VAT1L: variants seen among roughly 807,000 people sequenced by gnomAD.
The protein encoded by VAT1L is putative NADPH-dependent quinone oxidoreductase VAT1L.
In VAT1L, 34 loss-of-function variants were observed where a neutral mutation model predicts 44.1. That is an observed-to-expected ratio of 0.77 (90% CI 0.59 to 1.03). The LOEUF is 1.03. VAT1L is among the 50% of genes least tolerant of loss of function. The pLI, the probability that VAT1L is intolerant of heterozygous loss-of-function variation, is 0.00. For synonymous variants in VAT1L, 253 were observed against 202.2 expected, an observed-to-expected ratio of 1.25 and a Z score of -2.13; for missense variants, 615 against 538.8, an observed-to-expected ratio of 1.14 and a Z score of -1.40.
intron 8 of VAT1L, among the ~76,000 whole-genome samples, chr16:77,975,081 G>A (rs1238944642): frequency 6.6e-6 from 1 of 151,596 alleles, no homozygotes; most frequent in Non-Finnish European, 1.5e-5. Context: ...CCTGACAGAA[G>A]AGGAAACAAC....
chr16:77,958,480 C>A (rs1353693933), intron 7 of VAT1L, among the ~76,000 whole-genome samples: 5 of 152,180 alleles, frequency 3.3e-5, no homozygotes, highest in Non-Finnish European at 5.9e-5. Context: ...ATGTAGGAAT[C>A]AGCATCCCCT....
intron 1 of VAT1L, among the ~76,000 whole-genome samples, chr16:77,798,451 T>A (rs537174156): frequency 1.3e-5 from 2 of 152,344 alleles, no homozygotes; most frequent in South Asian, 4.1e-4. Context: ...TAAAAGTTTT[T>A]GTGTGGGGAA....
chr16:77,975,586 G>A (rs922410565), intron 8 of VAT1L, among the ~76,000 whole-genome samples: 2 of 152,172 alleles, frequency 1.3e-5, no homozygotes, highest in Non-Finnish European at 2.9e-5. Flanking sequence ...TGCTCCTCTA[G>A]AATAGTCTGG....
intron 3 of VAT1L, among the ~76,000 whole-genome samples, chr16:77,847,918 G>C (rs2016773093): frequency 6.6e-6 from 1 of 152,212 alleles, no homozygotes; most frequent in Admixed American, 6.5e-5. Flanking sequence ...TGATGTTCAA[G>C]TGGAAGGAGA....
intron 1 of VAT1L, among the ~76,000 whole-genome samples, chr16:77,813,401 C>T (rs1009454932): frequency 6.6e-6 from 1 of 152,190 alleles, no homozygotes; most frequent in African/African-American, 2.4e-5. Flanking sequence ...AGGGACCACA[C>T]AGGTAGTCCA....
intron 7 of VAT1L, among the ~76,000 whole-genome samples, chr16:77,970,147 C>G (rs2018264062): frequency 6.6e-6 from 1 of 150,790 alleles, no homozygotes. Context: ...GACGTGGGAG[C>G]ATTGCTTGAG....
intron 1 of VAT1L, among the ~76,000 whole-genome samples, chr16:77,792,971 C>T (rs562647074): frequency 1.2e-4 from 18 of 151,944 alleles, no homozygotes; most frequent in Non-Finnish European, 2.1e-4. Flanking sequence ...TTTTGGTTGC[C>T]GTATAAACTT....
intron 7 of VAT1L, among the ~76,000 whole-genome samples, chr16:77,915,738 T>G (rs1315887043): frequency 6.6e-6 from 1 of 152,090 alleles, no homozygotes; most frequent in Non-Finnish European, 1.5e-5. Flanking sequence ...GCAAGTGAGG[T>G]TGGCTAGAAG....
chr16:77,932,578 A>T (rs1016071526), intron 7 of VAT1L, among the ~76,000 whole-genome samples: 1 of 152,194 alleles, frequency 6.6e-6, no homozygotes, highest in Non-Finnish European at 1.5e-5. Flanking sequence ...CCCATCCTAT[A>T]TCCCATCAGA....
intron 7 of VAT1L, among the ~76,000 whole-genome samples, chr16:77,963,879 T>G (rs376157855): frequency 6.6e-6 from 1 of 152,186 alleles, no homozygotes; most frequent in African/African-American, 2.4e-5. Context: ...GCTGTCTCAC[T>G]AGCAAAGAGG....
intron 4 of VAT1L, among the ~76,000 whole-genome samples, chr16:77,872,084 TC>T (rs2017038947): frequency 6.6e-6 from 1 of 152,046 alleles, no homozygotes. Context: ...ATCACCATCA[TC>T]CCCTTCCACA....
intron 7 of VAT1L, chr16:77,892,856 G>T (rs1489773483): frequency 3.0e-6 from 3 of 1,007,530 alleles, no homozygotes; most frequent in Non-Finnish European, 4.7e-6. Context: ...GGAGTGCTTT[G>T]GGTCCAGGAA....
chr16:77,887,405 C>G (rs1306336066), intron 7 of VAT1L, among the ~76,000 whole-genome samples: 4 of 152,158 alleles, frequency 2.6e-5, no homozygotes, highest in Admixed American at 6.5e-5. Flanking sequence ...AACTAGGCAA[C>G]TACAGAAGTC....
intron 3 of VAT1L, among the ~76,000 whole-genome samples, chr16:77,858,348 T>A (rs1258875374): frequency 1.3e-5 from 2 of 152,164 alleles, no homozygotes; most frequent in African/African-American, 4.8e-5. Flanking sequence ...GTGGGGAAAC[T>A]GGCGTTGATG....
At chr16:77,802,616 AC>A (rs2016080990) in intron 1 of VAT1L, among the ~76,000 whole-genome samples, 1 of 6,322 alleles carries the variant, frequency 1.6e-4, no homozygotes, top group Non-Finnish European at 3.0e-4. Context: ...CCCATCTCAA[AC>A]ACACACACAC....
At chr16:77,899,090 C>T (rs2017354065) in intron 7 of VAT1L, among the ~76,000 whole-genome samples, 1 of 152,202 alleles carries the variant, frequency 6.6e-6, no homozygotes, top group Admixed American at 6.5e-5. Flanking sequence ...GTGCTGAGCA[C>T]TTTACATGCA....
chr16:77,838,567 G>A (rs1387297138), intron 3 of VAT1L, among the ~76,000 whole-genome samples: 2 of 151,926 alleles, frequency 1.3e-5, no homozygotes, highest in Non-Finnish European at 2.9e-5. Flanking sequence ...GATTAAATTT[G>A]AGCACTCCCT....
At chr16:77,923,881 G>C (rs556355148) in intron 7 of VAT1L, among the ~76,000 whole-genome samples, 10 of 152,260 alleles carry the variant, frequency 6.6e-5, no homozygotes, top group South Asian at 2.1e-4. Flanking sequence ...GTGTGTACAG[G>C]ACCCATTTGT....
intron 1 of VAT1L, among the ~76,000 whole-genome samples, chr16:77,815,555 C>T (rs1474982837): frequency 6.6e-6 from 1 of 152,208 alleles, no homozygotes; most frequent in Non-Finnish European, 1.5e-5. Context: ...TCGTCTTACT[C>T]ACCTTTATTC....
Sources: gnomAD v4.1 joint callset for allele counts (sites outside exome capture counted in the v4.1 genomes callset) on GRCh38, gnomAD v4.1.1 for gene constraint, MANE v1.5 for transcripts, NCBI Gene and HGNC (gene_info 2026-07-23, HGNC 2026-07-21) for gene names.